RGS6: variants seen among roughly 807,000 people sequenced by gnomAD.
RGS6 encodes regulator of G-protein signaling 6.
In RGS6, 30 loss-of-function variants were observed where a neutral mutation model predicts 78.5. The observed-to-expected ratio is 0.38, with a 90% CI of 0.29 to 0.52. RGS6 has a LOEUF of 0.52. Ranked by LOEUF, RGS6 falls within the 20% of genes least tolerant of loss-of-function variation. The pLI is 0.85. For synonymous variants in RGS6, 206 were observed against 206.0 expected (o/e 1.00, Z 0.00); for missense variants, 495 against 609.7 (o/e 0.81, Z 1.98).
Position 72,268,710 on chromosome 14 carries a change from G to C in RGS6, c.85-83385G>C, listed in dbSNP as rs139502757. Among the ~76,000 whole-genome samples, 408 of 152,316 alleles carry C rather than the reference G, an allele frequency of 2.7e-3. 2 individuals are homozygous for C. The highest frequency in any genetic ancestry group is 9.3e-3 in the African/African-American group (386 of 41,570). On this transcript the variant is annotated intron_variant, in intron 2 of 17. Transcript: ENST00000553525. ...TGGGAGAGAGAAAGAGACTTTAGGTGAGAAAGAATGGTTGGGAGAGGGGAG... is the reference window on the plus strand; with the variant it reads ...TGGGAGAGAGAAAGAGACTTTAGGTCAGAAAGAATGGTTGGGAGAGGGGAG...
intron 2 of RGS6, among the ~76,000 whole-genome samples, chr14:72,206,482 C>G (rs1400860660): frequency 6.6e-6 from 1 of 151,414 alleles, no homozygotes; most frequent in Admixed American, 6.6e-5. Context: ...GTGTGTGTGT[C>G]ACACACACAC....
intron 2 of RGS6, among the ~76,000 whole-genome samples, chr14:72,190,077 CAACCT>C (rs2097303235): frequency 6.6e-6 from 1 of 152,160 alleles, no homozygotes; most frequent in South Asian, 2.1e-4. Context: ...CTTTGCCAGC[CAACCT>C]GTGTACCCCT....
chr14:72,166,187 C>G (rs1289255761), intron 2 of RGS6, among the ~76,000 whole-genome samples: 2 of 151,752 alleles, frequency 1.3e-5, no homozygotes, highest in Admixed American at 1.3e-4. Flanking sequence ...TCATAGACGT[C>G]TTTCTTCTCT....
chr14:72,528,659 G>A lies in RGS6; in HGVS notation c.1279-7527G>A, dbSNP rs540535178. ...GGCAAGAAAGGGAAAGACGGAGGGA[G>A]AGAGGAAGGAAGTGGGAAAGGAGGG... On this transcript the variant is annotated intron_variant, in intron 15 of 17. Transcript: ENST00000553525. Among the ~76,000 whole-genome samples the A allele has an allele frequency of 2.6e-5, 4 of 152,286 alleles. No homozygotes were observed. The South Asian group carries it at 8.3e-4, about 32-fold the overall frequency.
chr14:72,398,692 G>A (rs1372192314), intron 3 of RGS6, among the ~76,000 whole-genome samples: 1 of 152,106 alleles, frequency 6.6e-6, no homozygotes, highest in Admixed American at 6.5e-5. Flanking sequence ...GGCATTTAGT[G>A]CTATAAATTT....
At chr14:71,950,982 T>C (rs549958199) in intron 1 of RGS6, among the ~76,000 whole-genome samples, 1 of 152,082 alleles carries the variant, frequency 6.6e-6, no homozygotes, top group Non-Finnish European at 1.5e-5. Context: ...GATCAACCAT[T>C]GTGGAAGACA....
chr14:72,196,754 G>C (rs1469125534), intron 2 of RGS6, among the ~76,000 whole-genome samples: 1 of 152,112 alleles, frequency 6.6e-6, no homozygotes, highest in African/African-American at 2.4e-5. Flanking sequence ...TTCCACTTTG[G>C]AATTATGATT....
At chr14:72,466,140 T>A (rs919164947) in intron 7 of RGS6, among the ~76,000 whole-genome samples, 11 of 152,350 alleles carry the variant, frequency 7.2e-5, no homozygotes, top group African/African-American at 2.6e-4. Context: ...AGATGTCCAA[T>A]ATTATTAGCC....
At chr14:72,417,022 G>A (rs548624659) in intron 3 of RGS6, among the ~76,000 whole-genome samples, 2 of 152,132 alleles carry the variant, frequency 1.3e-5, no homozygotes, top group Non-Finnish European at 2.9e-5. Context: ...TATGATTACC[G>A]TCCCTGTCAC....
At chr14:72,394,486 G>C (rs137938126) in intron 3 of RGS6, among the ~76,000 whole-genome samples, 1 of 152,086 alleles carries the variant, frequency 6.6e-6, no homozygotes, top group African/African-American at 2.4e-5. Context: ...TTCCTAGAGC[G>C]GCCATTTTAG....
intron 17 of RGS6, among the ~76,000 whole-genome samples, chr14:72,544,917 G>T (rs116989384): frequency 0.016 from 2,462 of 152,340 alleles, 59 homozygotes; most frequent in East Asian, 0.092. Flanking sequence ...CTCTCCGCAG[G>T]GGAGGGGGCA....
At chr14:72,026,139 G>A (rs1307740475) in intron 2 of RGS6, among the ~76,000 whole-genome samples, 1 of 152,062 alleles carries the variant, frequency 6.6e-6, no homozygotes, top group Non-Finnish European at 1.5e-5. Context: ...GGGCATGGTG[G>A]CTCACACCTG....
chr14:72,576,842 A>C, the RGS6 span, among the ~76,000 whole-genome samples: 736 of 152,338 alleles, frequency 4.8e-3, 5 homozygotes, highest in African/African-American at 0.016. Flanking sequence ...AATATTAGTA[A>C]TATTAATTTA....
intron 2 of RGS6, among the ~76,000 whole-genome samples, chr14:72,329,035 C>T (rs2074400413): frequency 6.6e-6 from 1 of 152,106 alleles, no homozygotes; most frequent in African/African-American, 2.4e-5. Flanking sequence ...CCACACCTGG[C>T]TAATTTTTTA....
intron 2 of RGS6, among the ~76,000 whole-genome samples, chr14:72,342,587 A>G (rs1049820868): frequency 4.0e-5 from 6 of 148,492 alleles, no homozygotes; most frequent in African/African-American, 7.5e-5. Context: ...AAAACTATCC[A>G]GGCGTGGTGG....
chr14:72,364,604 C>T (rs2082122947), intron 3 of RGS6, among the ~76,000 whole-genome samples: 1 of 152,168 alleles, frequency 6.6e-6, no homozygotes, highest in Admixed American at 6.5e-5. Flanking sequence ...TATTGGGACC[C>T]CAGTTCTTTA....
chr14:72,292,861 G>T (rs956633758), intron 2 of RGS6, among the ~76,000 whole-genome samples: 5 of 152,196 alleles, frequency 3.3e-5, no homozygotes, highest in African/African-American at 1.2e-4. Flanking sequence ...TCCTGGCATG[G>T]ATGACACAGG....
At chr14:72,506,984 T>TAAAAAAAAAAAAAAAAAA (rs71109738) in intron 13 of RGS6, among the ~76,000 whole-genome samples, 5 of 54,396 alleles carry the variant, frequency 9.2e-5, no homozygotes, top group Middle Eastern at 0.023. Context: ...CTGTCTCTAC[T>TAAAAAAAAAAAAAAAAAA]AAAAAAAAAA....
intron 2 of RGS6, among the ~76,000 whole-genome samples, chr14:71,985,868 A>G (rs960080021): frequency 6.6e-6 from 1 of 152,220 alleles, no homozygotes; most frequent in Non-Finnish European, 1.5e-5. Flanking sequence ...CTAAATAAGA[A>G]TAACATTTCA....
Sources: allele counts gnomAD v4.1 joint callset (sites outside exome capture counted in the v4.1 genomes callset), GRCh38; gene constraint gnomAD v4.1.1; transcripts MANE v1.5; gene names NCBI Gene and HGNC (gene_info 2026-07-23, HGNC 2026-07-21).